Variants in DACH2 observed in about 807,000 individuals in gnomAD.
The protein encoded by DACH2 is dachshund family transcription factor 2, also known as dachshund homolog 2.
Under a neutral mutation model 35.8 loss-of-function variants are expected in DACH2, and 17 were observed. That is an observed-to-expected ratio of 0.48 (90% confidence interval 0.33 to 0.71). The LOEUF is 0.71. Among genes scored for constraint, DACH2 ranks in the 30% least tolerant of loss-of-function variants. DACH2 has a pLI of 0.02. For synonymous variants in DACH2, 195 were observed against 177.3 expected, an observed-to-expected ratio of 1.10 and a Z score of -0.79; for missense variants, 469 against 472.7, an observed-to-expected ratio of 0.99 and a Z score of 0.07.
At chrX:86,800,724 C>T (rs1221671817) in intron 7 of DACH2, among the ~76,000 whole-genome samples, 1 of 111,718 alleles carries the variant, frequency 9.0e-6, no homozygotes, top group East Asian at 2.8e-4. Flanking sequence ...TCCTGGAGTG[C>T]TGTGGTGTGA....
chrX:86,328,161 G>A (rs12557106), intron 1 of DACH2, among the ~76,000 whole-genome samples: 19,014 of 110,580 alleles, frequency 0.17, 1,816 homozygotes, highest in African/African-American at 0.35. Flanking sequence ...ATTTTAATCT[G>A]TCTCTATGCA....
At chrX:86,532,838 A>G (rs2038742579) in intron 3 of DACH2, among the ~76,000 whole-genome samples, 1 of 110,889 alleles carries the variant, frequency 9.0e-6, no homozygotes, top group Non-Finnish European at 1.9e-5. Flanking sequence ...CTTCTTGAGT[A>G]TCCTATTTGA....
intron 7 of DACH2, among the ~76,000 whole-genome samples, chrX:86,785,307 TAA>T (rs768225902): frequency 1.1e-4 from 12 of 110,909 alleles, no homozygotes; most frequent in Non-Finnish European, 2.1e-4. Context: ...AATTTGGGAA[TAA>T]TAAGCCTATA....
chrX:86,182,286 CT>C (rs1230813723), intron 1 of DACH2, among the ~76,000 whole-genome samples: 1 of 111,665 alleles, frequency 9.0e-6, no homozygotes, highest in Non-Finnish European at 1.9e-5. Flanking sequence ...ATGGTATTGC[CT>C]AGGTTTTCTT....
At chrX:86,678,815 C>G (rs2040848506) in intron 4 of DACH2, among the ~76,000 whole-genome samples, 1 of 112,196 alleles carries the variant, frequency 8.9e-6, no homozygotes, top group Non-Finnish European at 1.9e-5. Flanking sequence ...GAATAGGTAG[C>G]ATTGCTTTAA....
chrX:86,726,318 T>A (rs1387946075), intron 6 of DACH2, among the ~76,000 whole-genome samples: 1 of 111,628 alleles, frequency 9.0e-6, no homozygotes, highest in Non-Finnish European at 1.9e-5. Flanking sequence ...ACTCTGTCCA[T>A]TGGTGGGGCA....
intron 2 of DACH2, among the ~76,000 whole-genome samples, chrX:86,392,284 A>G (rs2036216544): frequency 8.9e-6 from 1 of 111,741 alleles, no homozygotes; most frequent in Non-Finnish European, 1.9e-5. Flanking sequence ...GATGTATAAA[A>G]TGTATAACAT....
At chrX:86,456,624 AT>A (rs1006290530) in intron 2 of DACH2, among the ~76,000 whole-genome samples, 1 of 111,396 alleles carries the variant, frequency 9.0e-6, no homozygotes, top group Non-Finnish European at 1.9e-5. Flanking sequence ...AGTACAGAAA[AT>A]TTTTAAAAAT....
intron 7 of DACH2, among the ~76,000 whole-genome samples, chrX:86,780,824 C>A (rs1031709068): frequency 4.5e-5 from 5 of 111,383 alleles, no homozygotes; most frequent in African/African-American, 1.3e-4. Context: ...TTGGGGATCG[C>A]TCCTGAGGAG....
chrX:86,442,054 G>A (rs1439298855), intron 2 of DACH2, among the ~76,000 whole-genome samples: 2 of 109,588 alleles, frequency 1.8e-5, no homozygotes, highest in African/African-American at 6.6e-5. Context: ...TTTTTGTGGA[G>A]ATGGGAATTT....
chrX:86,466,047 C>T (rs1428828324), intron 2 of DACH2, among the ~76,000 whole-genome samples: 1 of 111,580 alleles, frequency 9.0e-6, no homozygotes, highest in East Asian at 2.8e-4. Context: ...CTGATAAAGA[C>T]ATACCTGAGA....
chrX:86,208,624 C>A (rs970132056), intron 1 of DACH2, among the ~76,000 whole-genome samples: 3 of 111,430 alleles, frequency 2.7e-5, no homozygotes, highest in Non-Finnish European at 3.8e-5. Flanking sequence ...TTATAGTGTC[C>A]TTTTTTCTAC....
At chrX:86,498,939 T>C (rs1191897747) in intron 2 of DACH2, among the ~76,000 whole-genome samples, 1 of 112,110 alleles carries the variant, frequency 8.9e-6, no homozygotes, top group East Asian at 2.8e-4. Flanking sequence ...TAAATGTTGT[T>C]TCTGGTTATA....
At chrX:86,598,281 A>C (rs1371708091) in intron 3 of DACH2, among the ~76,000 whole-genome samples, 1 of 111,489 alleles carries the variant, frequency 9.0e-6, no homozygotes, top group African/African-American at 3.3e-5. Flanking sequence ...ACATTTTAAA[A>C]ATGTTTATTT....
intron 2 of DACH2, among the ~76,000 whole-genome samples, chrX:86,466,025 A>T (rs1301769006): frequency 9.0e-6 from 1 of 111,630 alleles, no homozygotes; most frequent in Non-Finnish European, 1.9e-5. Flanking sequence ...GCATTAGTCC[A>T]TTTTCATGCT....
At chrX:86,295,861 T>C (rs892454518) in intron 1 of DACH2, among the ~76,000 whole-genome samples, 1 of 109,828 alleles carries the variant, frequency 9.1e-6, no homozygotes, top group Non-Finnish European at 1.9e-5. Flanking sequence ...AGTGCCTCTT[T>C]CAGTGATTTT....
chrX:86,785,308 A>C (rs2042126651), intron 7 of DACH2, among the ~76,000 whole-genome samples: 1 of 111,224 alleles, frequency 9.0e-6, no homozygotes, highest in Non-Finnish European at 1.9e-5. Flanking sequence ...ATTTGGGAAT[A>C]ATAAGCCTAT....
intron 2 of DACH2, among the ~76,000 whole-genome samples, chrX:86,380,596 C>T (rs1247735720): frequency 9.1e-5 from 10 of 109,818 alleles, no homozygotes; most frequent in Non-Finnish European, 1.9e-4. Flanking sequence ...ATATTCAGGT[C>T]TACATTTTGC....
At chrX:86,303,754 C>A (rs923812797) in intron 1 of DACH2, among the ~76,000 whole-genome samples, 3 of 108,254 alleles carry the variant, frequency 2.8e-5, no homozygotes, top group African/African-American at 1.0e-4. Flanking sequence ...CTTTCTGTAC[C>A]CATAACCTGA....
Sources: gnomAD v4.1 joint callset for allele counts (sites outside exome capture counted in the v4.1 genomes callset) on GRCh38, gnomAD v4.1.1 for gene constraint, MANE v1.5 for transcripts, NCBI Gene and HGNC (gene_info 2026-07-23, HGNC 2026-07-21) for gene names.